The following PRKCA variants were observed in gnomAD, a reference collection of about 807,000 sequenced individuals.
PRKCA encodes the protein protein kinase C alpha, also known as protein kinase C alpha type.
Under a neutral mutation model 87.0 loss-of-function variants are expected in PRKCA, and 27 were observed. The ratio of observed to expected loss-of-function variants is 0.31; its 90% CI spans 0.23 to 0.43. The LOEUF is 0.43. Ranked by LOEUF, PRKCA falls within the 20% of genes least tolerant of loss-of-function variation. PRKCA has a pLI of 1.00. For synonymous variants in PRKCA, 329 were observed against 311.1 expected (o/e 1.06, Z -0.61); for missense variants, 518 against 852.3 (o/e 0.61, Z 4.88).
intron 3 of PRKCA, among the ~76,000 whole-genome samples, chr17:66,583,267 A>C (rs954190935): frequency 6.6e-6 from 1 of 152,184 alleles, no homozygotes; most frequent in Non-Finnish European, 1.5e-5. Context: ...GAGGAATCTC[A>C]TGGGCATTTT....
At chr17:66,562,681 C>T (rs1055779461) in intron 3 of PRKCA, among the ~76,000 whole-genome samples, 1 of 152,064 alleles carries the variant, frequency 6.6e-6, no homozygotes, top group Non-Finnish European at 1.5e-5. Flanking sequence ...ACTGCAACCT[C>T]CATCTCCTGG....
chr17:66,464,761 A>G (rs1420860562), intron 2 of PRKCA, among the ~76,000 whole-genome samples: 2 of 151,888 alleles, frequency 1.3e-5, no homozygotes, highest in Non-Finnish European at 1.5e-5. Flanking sequence ...ATTTTGTATA[A>G]TACTTCTTTA....
chr17:66,474,359 C>G (rs554101046), intron 2 of PRKCA, among the ~76,000 whole-genome samples: 1 of 152,284 alleles, frequency 6.6e-6, no homozygotes, highest in South Asian at 2.1e-4. Context: ...CTAAGGAGCT[C>G]TCCTGCCTGA....
At chr17:66,583,434 A>G (rs1371875215) in intron 3 of PRKCA, among the ~76,000 whole-genome samples, 1 of 152,216 alleles carries the variant, frequency 6.6e-6, no homozygotes, top group East Asian at 1.9e-4. Flanking sequence ...GCTTTGCAAA[A>G]TGAATTTATT....
intron 3 of PRKCA, among the ~76,000 whole-genome samples, chr17:66,572,831 T>G (rs1474569869): frequency 6.6e-6 from 1 of 152,182 alleles, no homozygotes; most frequent in Non-Finnish European, 1.5e-5. Flanking sequence ...TGTTATATAT[T>G]TTTAAAACTA....
intron 2 of PRKCA, among the ~76,000 whole-genome samples, chr17:66,360,953 T>C (rs1245448553): frequency 6.6e-6 from 1 of 152,112 alleles, no homozygotes; most frequent in Non-Finnish European, 1.5e-5. Context: ...TGGTTTTATG[T>C]ATTGCTTTTC....
intron 2 of PRKCA, chr17:66,364,342 T>C (rs1272925647): frequency 6.6e-6 from 1 of 152,148 alleles, no homozygotes; most frequent in Non-Finnish European, 1.5e-5. Flanking sequence ...AATTCATTTA[T>C]TCATTCATAG....
chr17:66,323,877 G>T (rs1245872396), intron 2 of PRKCA, among the ~76,000 whole-genome samples: 2 of 152,074 alleles, frequency 1.3e-5, no homozygotes, highest in Non-Finnish European at 2.9e-5. Context: ...GTAGGTGGAG[G>T]TTGCAGTGAG....
At chr17:66,682,702 T>C (rs1972523608) in intron 5 of PRKCA, among the ~76,000 whole-genome samples, 1 of 135,028 alleles carries the variant, frequency 7.4e-6, no homozygotes, top group South Asian at 2.4e-4. Context: ...CTAAGTAGTG[T>C]GATTTTGTTG....
At chr17:66,434,090 T>G (rs1913241790) in intron 2 of PRKCA, among the ~76,000 whole-genome samples, 1 of 152,036 alleles carries the variant, frequency 6.6e-6, no homozygotes. Flanking sequence ...CTTTCTCTCC[T>G]GCCACACTCT....
chr17:66,692,849 A>T (rs16960047), intron 8 of PRKCA, among the ~76,000 whole-genome samples: 10,381 of 152,256 alleles, frequency 0.068, 388 homozygotes, highest in South Asian at 0.14. Context: ...AAGTTCAATG[A>T]TGAATCTGTA....
At chr17:66,640,966 G>A in intron 3 of PRKCA, 1 of 337,708 alleles carries the variant, frequency 3.0e-6, no homozygotes, top group South Asian at 2.3e-5. Context: ...TTCGAGACCA[G>A]CCTGGCCAAC....
chr17:66,489,352 C>CATGCAT (rs1555610346), intron 2 of PRKCA, among the ~76,000 whole-genome samples: 70 of 98,932 alleles, frequency 7.1e-4, no homozygotes, highest in African/African-American at 2.6e-3. Flanking sequence ...CTTAGCAGTG[C>CATGCAT]ATATATATAT....
chr17:66,779,668 C>CT (rs1253014066), intron 14 of PRKCA, among the ~76,000 whole-genome samples: 1 of 152,080 alleles, frequency 6.6e-6, no homozygotes, highest in African/African-American at 2.4e-5. Context: ...ATTAGGAATC[C>CT]TTTTTTGCAA....
chr17:66,694,354 C>T (rs992820232), intron 8 of PRKCA, among the ~76,000 whole-genome samples: 3 of 151,214 alleles, frequency 2.0e-5, no homozygotes, highest in Non-Finnish European at 4.4e-5. Flanking sequence ...TAGTGGCGGG[C>T]GCCTGTAATC....
intron 14 of PRKCA, among the ~76,000 whole-genome samples, chr17:66,781,911 TGTGTGTGA>T (rs1471380705): frequency 2.1e-3 from 320 of 150,880 alleles, no homozygotes; most frequent in African/African-American, 6.1e-3. Flanking sequence ...TGTGTGTGTG[TGTGTGTGA>T]GTGAGTGTGA....
intron 3 of PRKCA, among the ~76,000 whole-genome samples, chr17:66,586,585 C>G (rs879739738): frequency 1.3e-5 from 2 of 152,152 alleles, no homozygotes; most frequent in Admixed American, 1.3e-4. Context: ...GCTATGCATG[C>G]CTTAGCCAGC....
chr17:66,536,136 A>G (rs1408031453), intron 3 of PRKCA, among the ~76,000 whole-genome samples: 1 of 152,186 alleles, frequency 6.6e-6, no homozygotes, highest in Non-Finnish European at 1.5e-5. Flanking sequence ...CAATTCTGAC[A>G]TTTCTTGCAG....
chr17:66,303,596 G>C (rs1323476328), intron 1 of PRKCA, among the ~76,000 whole-genome samples: 1 of 152,162 alleles, frequency 6.6e-6, no homozygotes, highest in Non-Finnish European at 1.5e-5. Context: ...GGCACGGAGA[G>C]ACTGACTTTT....
Sources: gnomAD v4.1 joint callset for allele counts (sites outside exome capture counted in the v4.1 genomes callset) on GRCh38, gnomAD v4.1.1 for gene constraint, MANE v1.5 for transcripts, NCBI Gene and HGNC (gene_info 2026-07-23, HGNC 2026-07-21) for gene names.